UHMK1: variants seen among roughly 807,000 people sequenced by gnomAD.
UHMK1 encodes the protein serine/threonine-protein kinase Kist.
A neutral mutation model predicts 44.0 loss-of-function variants in UHMK1; 18 were observed. That is an observed-to-expected ratio of 0.41 (90% CI 0.28 to 0.61). UHMK1 has a LOEUF of 0.61. Among genes scored for constraint, UHMK1 ranks in the 20% least tolerant of loss-of-function variants. UHMK1 has a pLI of 0.31. For synonymous variants in UHMK1, 231 were observed against 198.5 expected (o/e 1.16, Z -1.38); for missense variants, 463 against 522.5 (o/e 0.89, Z 1.11).
At chr1:162,520,289 T>C (rs1652008921) in intron 7 of UHMK1, among the ~76,000 whole-genome samples, 1 of 152,242 alleles carries the variant, frequency 6.6e-6, no homozygotes, top group African/African-American at 2.4e-5. Flanking sequence ...CTAGTCCTAA[T>C]GAAAAGTTAT....
intron 4 of UHMK1, among the ~76,000 whole-genome samples, chr1:162,506,232 C>T (rs1221759398): frequency 1.4e-5 from 2 of 143,640 alleles, no homozygotes; most frequent in Non-Finnish European, 3.1e-5. Context: ...AGCCCCCCCC[C>T]CCCCACCATT....
chr1:162,497,697 A>C, upstream of UHMK1: 1 of 901,680 alleles, frequency 1.1e-6, no homozygotes, highest in Non-Finnish European at 1.5e-6. Flanking sequence ...AATTAAGGTT[A>C]CTTCTTATTC....
rs1652369535 is a variant in UHMK1, at chr1:162,529,469, A to T, written c.*6919A>T. ...TGCGTTTCAGTTGACTGTATTGCAT[A>T]CTTTTTTGCTGAAGACTTTTTCTGT... On this transcript the variant is annotated 3_prime_UTR_variant, in exon 8 of 8. Coordinates refer to ENST00000489294, the MANE Select transcript of UHMK1 (RefSeq NM_175866.5). 6.6e-6 allele frequency: 1 copy of T among 152,144 alleles called. No homozygotes were observed. Among genetic ancestry groups the T allele is most frequent in the Non-Finnish European group, 1.5e-5 (1 of 67,976 alleles). The allele number at this position is 152,144 out of a possible 1,614,324, so 9.4% of individuals were successfully genotyped here. A position where few individuals can be genotyped will look rare whatever the true frequency, so the allele number is the denominator to read the frequency against.
chr1:162,509,173 A>G (rs1651580166), intron 4 of UHMK1, among the ~76,000 whole-genome samples: 1 of 152,190 alleles, frequency 6.6e-6, no homozygotes, highest in Non-Finnish European at 1.5e-5. Flanking sequence ...CTTTTCTTAT[A>G]TAGGGCTCCC....
Position 162,522,604 on chromosome 1 carries a change from C to T in UHMK1, c.*54C>T. ...CTCCTCTTCCATTTCTTGGGTTATT[C>T]CACATATGAATGCAGGACTACCCCC... On this transcript the variant is annotated 3_prime_UTR_variant, in exon 8 of 8. Coordinates refer to ENST00000489294, the MANE Select transcript of UHMK1 (RefSeq NM_175866.5). 2 of 1,573,514 alleles carry T rather than the reference C, an allele frequency of 1.3e-6. No homozygotes were observed. The highest frequency in any genetic ancestry group is 1.7e-6 in the Non-Finnish European group (2 of 1,153,436).
intron 4 of UHMK1, among the ~76,000 whole-genome samples, chr1:162,506,734 A>C (rs768814573): frequency 6.6e-6 from 1 of 152,140 alleles, no homozygotes; most frequent in Non-Finnish European, 1.5e-5. Context: ...GCCTGGTGGC[A>C]CGTGCCTATA....
intron 1 of UHMK1, among the ~76,000 whole-genome samples, chr1:162,499,405 A>G (rs1343736997): frequency 6.6e-6 from 1 of 152,128 alleles, no homozygotes; most frequent in African/African-American, 2.4e-5. Flanking sequence ...GGGCTCAAGC[A>G]GTCCTCCTGC....
At chr1:162,501,571 A>G (rs553080199) in intron 3 of UHMK1, among the ~76,000 whole-genome samples, 26 of 152,358 alleles carry the variant, frequency 1.7e-4, no homozygotes, top group Admixed American at 9.2e-4. Flanking sequence ...TCCTATGGCT[A>G]TCAATCTGCT....
chr1:162,522,266 C>A (rs370405083), intron 7 of UHMK1, 138 bp from the exon 8 acceptor site: 6 of 876,886 alleles, frequency 6.8e-6, no homozygotes, highest in Non-Finnish European at 1.0e-5. Flanking sequence ...GAAACTCAGG[C>A]GACATCTCAG....
Position 162,522,648 on chromosome 1 carries a change from A to C in UHMK1, c.*98A>C. On this transcript the variant is annotated 3_prime_UTR_variant, in exon 8 of 8. Coordinates refer to ENST00000489294, the MANE Select transcript of UHMK1 (RefSeq NM_175866.5). The stretch of plus-strand genomic sequence containing the variant: ...TACCCCCTTACCATTTTAAGAAGGT[A>C]CTTTATACATTTATTTAATCCTACT... 1 of 1,315,172 alleles carries C rather than the reference A, an allele frequency of 7.6e-7. No individual in the cohort carries two copies. The highest frequency in any genetic ancestry group is 1.4e-5 in the South Asian group (1 of 69,052). The allele number at this position is 1,315,172 out of a possible 1,614,324, so 81.5% of individuals were successfully genotyped here.
chr1:162,515,995 C>G (rs1247697198), intron 6 of UHMK1, among the ~76,000 whole-genome samples: 4 of 151,634 alleles, frequency 2.6e-5, no homozygotes, highest in African/African-American at 9.7e-5. Context: ...GGTGGCACCA[C>G]TGCACTCCAG....
chr1:162,519,231 T>C (rs2101684671), intron 7 of UHMK1, among the ~76,000 whole-genome samples: 1 of 151,410 alleles, frequency 6.6e-6, no homozygotes, highest in Non-Finnish European at 1.5e-5. Context: ...GCAGGAAATT[T>C]GCTTGAACTT....
chr1:162,507,311 G>C (rs776830772), intron 4 of UHMK1, among the ~76,000 whole-genome samples: 1 of 151,742 alleles, frequency 6.6e-6, no homozygotes, highest in Non-Finnish European at 1.5e-5. Context: ...GTAGAGACAG[G>C]GTTTCACCAT....
rs762307027 is a variant in UHMK1 at position 162,500,006 on chromosome 1, G to A, written c.320G>A (p.Arg107His). Residue 107 changes from arginine (R) to histidine (H), a missense_variant, in exon 2 of 8, where the codon CGC becomes CAC. Physicochemically the swap from Arg to His is conservative, Grantham distance 29 (BLOSUM62 0). Around this residue, in one of 3 missense-constraint regions of UHMK1, gnomAD observed 191 missense variants for 176.0 expected, o/e 1.09. Transcript: ENST00000489294. ...TIHFSPNVPS[R>H]CLLLELLDVS... is the part of the protein sequence containing the mutation. Reference sequence around the variant, plus strand: ...CACTTTTCTCCAAATGTGCCATCACGCTGTCTGTTGCTTGAACTCCTGGAT... The same window carrying A: ...CACTTTTCTCCAAATGTGCCATCACACTGTCTGTTGCTTGAACTCCTGGAT... The A allele has an allele frequency of 3.1e-6, 5 of 1,614,122 alleles. No individual in the cohort carries two copies. Among genetic ancestry groups the A allele is most frequent in the East Asian group, 2.2e-5 (1 of 44,876 alleles).
rs1470147085 is a variant in UHMK1, at chr1:162,526,490, T to TA, written c.*3943dup. ...ACTTTGAGTCTGATGGCTGTGTAGATAAAGATTTAAGCAAGTGCCTTGTGT... is the reference window on the plus strand; with the variant it reads ...ACTTTGAGTCTGATGGCTGTGTAGATAAAAGATTTAAGCAAGTGCCTTGTGT... On this transcript the variant is annotated 3_prime_UTR_variant, in exon 8 of 8. Coordinates refer to ENST00000489294, the MANE Select transcript of UHMK1 (RefSeq NM_175866.5). The TA allele has an allele frequency of 6.6e-6, 1 of 152,116 alleles. No individual in the cohort carries two copies. The highest frequency in any genetic ancestry group is 1.5e-5 in the Non-Finnish European group (1 of 67,988). 9.4% of individuals were successfully genotyped at this position (152,116 alleles called of 1,614,324 possible).
intron 3 of UHMK1, 147 bp downstream of exon 3, chr1:162,501,251 C>T (rs1475544989): frequency 1.3e-6 from 1 of 752,940 alleles, no homozygotes; most frequent in Non-Finnish European, 2.0e-6. Context: ...CTCACTGCAA[C>T]CTCCACCTTC....
intron 3 of UHMK1, among the ~76,000 whole-genome samples, 177 bp from the exon 4 acceptor site, chr1:162,503,577 C>G (rs778041311): frequency 8.4e-5 from 12 of 142,192 alleles, no homozygotes; most frequent in Non-Finnish European, 1.8e-4. Context: ...CGTCACTGCA[C>G]TACAGCCTGG....
chr1:162,525,889 T>C lies in UHMK1; in HGVS notation c.*3339T>C, dbSNP rs1007525054. ...TGGTACTCCAGCTGCTAAAGAGTGC[T>C]GAGATATGTTAAATTATTTTTTAAA... On this transcript the variant is annotated 3_prime_UTR_variant, in exon 8 of 8. Transcript: ENST00000489294. The C allele has an allele frequency of 6.6e-6, 1 of 152,232 alleles. No individual in the cohort carries two copies. The highest frequency in any genetic ancestry group is 1.5e-5 in the Non-Finnish European group (1 of 68,038). 9.4% of individuals were successfully genotyped at this position (152,232 alleles called of 1,614,324 possible).
In UHMK1 at chr1:162,499,960, T is replaced by G; in HGVS notation, c.274T>G (p.Leu92Val). ...ATTATAATTTCTTTTTCTAGTGACT[T>G]TGTATGGAGTGTTTACAATCCACTT... ...QLQGHRNIVT[L>V]YGVFTIHFSP... Residue 92 changes from leucine to valine, a missense_variant, in exon 2 of 8, where the codon TTG becomes GTG. Around this residue, in one of 3 missense-constraint regions of UHMK1, gnomAD observed 191 missense variants for 176.0 expected, o/e 1.09. Coordinates refer to ENST00000489294, the MANE Select transcript of UHMK1 (RefSeq NM_175866.5). 6.2e-7 allele frequency: 1 copy of G among 1,613,878 alleles called. No homozygotes were observed. The highest frequency in any genetic ancestry group is 8.5e-7 in the Non-Finnish European group (1 of 1,179,908).
Sources: allele counts gnomAD v4.1 joint callset (sites outside exome capture counted in the v4.1 genomes callset), GRCh38; gene constraint gnomAD v4.1.1; regional missense constraint gnomAD v4.1.1; transcripts MANE v1.5; gene names NCBI Gene and HGNC (gene_info 2026-07-23, HGNC 2026-07-21).